The following CUX1 variants were observed in gnomAD, a reference collection of about 807,000 sequenced individuals.
CUX1 encodes the protein cut like homeobox 1, also known as protein CASP.
Under a neutral mutation model 158.8 loss-of-function variants are expected in CUX1, and 31 were observed. The observed-to-expected ratio is 0.20, with a 90% CI of 0.15 to 0.26. CUX1 has a LOEUF of 0.26. Among genes scored for constraint, CUX1 ranks in the 10% least tolerant of loss-of-function variants. The pLI is 1.00. For synonymous variants in CUX1, 879 were observed against 862.1 expected, an observed-to-expected ratio of 1.02 and a Z score of -0.34; for missense variants, 1,589 against 2,014.6, an observed-to-expected ratio of 0.79 and a Z score of 4.04.
At chr7:101,981,236 G>A (rs1177209600) in intron 2 of CUX1, among the ~76,000 whole-genome samples, 1 of 151,950 alleles carries the variant, frequency 6.6e-6, no homozygotes, top group Admixed American at 6.6e-5. Context: ...TTCCCTTGCA[G>A]GACGTTTTCT....
chr7:101,904,317 T>G (rs1284810564), intron 1 of CUX1, among the ~76,000 whole-genome samples: 1 of 152,124 alleles, frequency 6.6e-6, no homozygotes, highest in Non-Finnish European at 1.5e-5. Flanking sequence ...ATAAAATTTG[T>G]ATGTTTATAT....
In CUX1 at chr7:102,252,864, C is replaced by T. The variant is rs1801660027; in HGVS notation, c.*3822C>T. The T allele has an allele frequency of 2.0e-6, 2 of 985,348 alleles. No individual in the cohort carries two copies. Among genetic ancestry groups the T allele is most frequent in the South Asian group, 9.4e-5 (2 of 21,296 alleles). The allele number at this position is 985,348 out of a possible 1,614,324, so 61.0% of individuals were successfully genotyped here. A position where few individuals can be genotyped will look rare whatever the true frequency, so the allele number is the denominator to read the frequency against. ...TGGAGCTTAGCTCAATTGGATTCTT[C>T]TAGACGATCTTAGGAGGCATCTTGG... On this transcript the variant is annotated 3_prime_UTR_variant, in exon 24 of 24. Coordinates refer to ENST00000292535, the MANE Select transcript of CUX1 (RefSeq NM_181552.4).
Position 102,256,212 on chromosome 7 carries a change from C to G in CUX1, c.*7170C>G. 1 of 985,448 alleles carries G rather than the reference C, an allele frequency of 1.0e-6. No homozygotes were observed. The highest frequency in any genetic ancestry group is 1.2e-6 in the Non-Finnish European group (1 of 829,944). 61.0% of individuals were successfully genotyped at this position (985,448 alleles called of 1,614,324 possible). ...GACCCTTCCCCAGTGTCTGAGGCCA[C>G]AGCCATCCCTTCCAGCACTTAATCT... On this transcript the variant is annotated 3_prime_UTR_variant, in exon 24 of 24. Transcript: ENST00000292535.
rs1173079668 is a variant in CUX1, at chr7:102,255,991, C to T, written c.*6949C>T. ...AAGTAAGCTTTAGACCAGGACGATT[C>T]AGGTTATGAATGAGTTTGTTCACTG... On this transcript the variant is annotated 3_prime_UTR_variant, in exon 24 of 24. Coordinates refer to ENST00000292535, the MANE Select transcript of CUX1 (RefSeq NM_181552.4). 1.0e-6 allele frequency: 1 copy of T among 985,444 alleles called. No individual in the cohort carries two copies. Among genetic ancestry groups the T allele is most frequent in the Non-Finnish European group, 1.2e-6 (1 of 829,930 alleles). The allele number at this position is 985,444 out of a possible 1,614,324, so 61.0% of individuals were successfully genotyped here.
intron 3 of CUX1, among the ~76,000 whole-genome samples, chr7:102,038,471 A>G (rs1291443307): frequency 2.6e-5 from 4 of 152,236 alleles, no homozygotes; most frequent in African/African-American, 9.6e-5. Context: ...AGGTTGCATA[A>G]TAACCAGGGA....
chr7:102,037,978 C>T (rs1275406884), intron 3 of CUX1, among the ~76,000 whole-genome samples: 1 of 151,326 alleles, frequency 6.6e-6, no homozygotes, highest in East Asian at 2.0e-4. Flanking sequence ...TTGCTTGAAC[C>T]TGGGAGGTGG....
At chr7:101,846,357 T>G (rs1239563144) in intron 1 of CUX1, among the ~76,000 whole-genome samples, 1 of 151,976 alleles carries the variant, frequency 6.6e-6, no homozygotes, top group Non-Finnish European at 1.5e-5. Context: ...GTTGCTCCAT[T>G]GCCCAGGCAG....
intron 3 of CUX1, among the ~76,000 whole-genome samples, chr7:102,031,885 T>C (rs1441784710): frequency 6.6e-6 from 1 of 151,988 alleles, no homozygotes; most frequent in Admixed American, 6.6e-5. Context: ...ACTCCCAGCA[T>C]CATCCCTCCC....
chr7:102,168,921 TTCTTTTCTTTTATTTTC>T, intron 9 of CUX1, among the ~76,000 whole-genome samples: 5 of 42,306 alleles, frequency 1.2e-4, no homozygotes, highest in African/African-American at 9.4e-4. Context: ...TTATTTTCTT[TTCTTTTCTTTTATTTTC>T]TTTTTTTTTT....
chr7:102,224,187 G>C (rs1243169724), intron 20 of CUX1, among the ~76,000 whole-genome samples: 2 of 151,968 alleles, frequency 1.3e-5, no homozygotes, highest in East Asian at 3.8e-4. Context: ...GCAGCTTCCA[G>C]CTGTCTTCTA....
At chr7:102,104,308 TG>T (rs781986429) in intron 5 of CUX1, 27 bp from the exon 6 acceptor site, 7 of 1,554,010 alleles carry the variant, frequency 4.5e-6, no homozygotes, top group Non-Finnish European at 6.0e-6. Context: ...CTTCTCTTAC[TG>T]TAGGTTTTTT....
intron 7 of CUX1, among the ~76,000 whole-genome samples, chr7:102,112,753 T>TAAA: frequency 1.3e-5 from 2 of 152,220 alleles, no homozygotes; most frequent in East Asian, 1.9e-4. Context: ...GTGTTTTTAG[T>TAAA]AGAGATGAGG....
At chr7:102,281,479 A>G (rs530405658) in intron 20 of CUX1, among the ~76,000 whole-genome samples, 22 of 152,286 alleles carry the variant, frequency 1.4e-4, no homozygotes, top group African/African-American at 5.1e-4. Context: ...CCTGGCCAAC[A>G]TAGTGAAACC....
intron 8 of CUX1, among the ~76,000 whole-genome samples, chr7:102,140,694 T>C (rs1834347519): frequency 6.6e-6 from 1 of 151,892 alleles, no homozygotes; most frequent in Admixed American, 6.6e-5. Context: ...ACCCCGTCTC[T>C]ACTAAAAATA....
chr7:101,924,433 C>G (rs1006445785), intron 2 of CUX1, among the ~76,000 whole-genome samples: 1 of 152,014 alleles, frequency 6.6e-6, no homozygotes, highest in Non-Finnish European at 1.5e-5. Flanking sequence ...CACCAGGGCT[C>G]CATGGCCCTG....
intron 6 of CUX1, among the ~76,000 whole-genome samples, chr7:102,110,598 A>G (rs1830787419): frequency 6.6e-6 from 1 of 152,180 alleles, no homozygotes; most frequent in Non-Finnish European, 1.5e-5. Context: ...GTATTAGTTC[A>G]TATTATGCTA....
intron 19 of CUX1, chr7:102,280,141 CAGGGG>C (rs781903125): frequency 3.2e-6 from 5 of 1,555,090 alleles, no homozygotes; most frequent in Non-Finnish European, 3.5e-6. Flanking sequence ...CCAGCCTGGG[CAGGGG>C]AGGGGAGGGG....
At chr7:102,282,846 G>A in intron 22 of CUX1, 3 of 1,179,322 alleles carry the variant, frequency 2.5e-6, no homozygotes, top group Middle Eastern at 2.8e-4. Flanking sequence ...ACACCCCCGA[G>A]TTCCTGCCTC....
chr7:101,991,480 C>T (rs528308865), intron 2 of CUX1, among the ~76,000 whole-genome samples: 4 of 152,212 alleles, frequency 2.6e-5, no homozygotes, highest in South Asian at 2.1e-4. Context: ...CAGTTGGGGC[C>T]GGGTGTGGTG....
Sources: allele counts gnomAD v4.1 joint callset (sites outside exome capture counted in the v4.1 genomes callset), GRCh38; gene constraint gnomAD v4.1.1; transcripts MANE v1.5; gene names NCBI Gene and HGNC (gene_info 2026-07-23, HGNC 2026-07-21).